CDKN2B-AS1: variants seen among roughly 807,000 people sequenced by gnomAD.
CDKN2B-AS1 encodes the protein CDKN2B and CDKN2A antisense cis and trans regulatory RNA 1.
In CDKN2B-AS1 at chr9:21,999,167, T is replaced by C. The variant is rs375015384; in HGVS notation, n.29+4006T>C. ...CTCTTACTATTACAACTTGGTGTAATTGTTTTGAAAGGCAGCATTACAATA... is the reference window on the plus strand; with the variant it reads ...CTCTTACTATTACAACTTGGTGTAACTGTTTTGAAAGGCAGCATTACAATA... On this transcript the variant is annotated intron_variant and non_coding_transcript_variant, in intron 1 of 4. Coordinates refer to ENST00000650946, the Ensembl canonical transcript of CDKN2B-AS1. This position sits in a 1 kb window ranked among gnomAD's most constrained non-coding sequence, Gnocchi z 4.7. Among the ~76,000 whole-genome samples, 5 of 152,202 alleles carry C rather than the reference T, an allele frequency of 3.3e-5. No individual in the cohort carries two copies. In the East Asian group the frequency reaches 5.8e-4, roughly 18 times the overall value.
chr9:22,113,448 T>G (rs1387835604), intron 4 of CDKN2B-AS1, among the ~76,000 whole-genome samples: 1 of 152,216 alleles, frequency 6.6e-6, no homozygotes, highest in Non-Finnish European at 1.5e-5. Flanking sequence ...TGGATAATCT[T>G]TTACTTAAAG....
chr9:22,111,325 C>T lies in CDKN2B-AS1; in HGVS notation n.439-15778C>T, dbSNP rs116451125. Among the ~76,000 whole-genome samples the T allele has an allele frequency of 6.4e-3, 978 of 152,226 alleles. 14 individuals carry two copies. The highest frequency in any genetic ancestry group is 0.022 in the African/African-American group (918 of 41,536). On this transcript the variant is annotated intron_variant and non_coding_transcript_variant, in intron 4 of 4. Transcript: ENST00000650946. ...TTACCATAGTTTTCATCCTTAACCA[C>T]AATACTCTATGAATCCTTATTTTAA...
chr9:22,046,405 C>G (rs1369131963), intron 1 of CDKN2B-AS1: 1 of 152,094 alleles, frequency 6.6e-6, no homozygotes, highest in Non-Finnish European at 1.5e-5. Flanking sequence ...AGCTCATGTA[C>G]TTAACCACTG....
intron 1 of CDKN2B-AS1, among the ~76,000 whole-genome samples, chr9:22,020,326 T>C (rs1307943063): frequency 1.3e-5 from 2 of 152,220 alleles, no homozygotes; most frequent in Non-Finnish European, 2.9e-5. Context: ...TGAATACTAT[T>C]GCAATAAACA....
At chr9:22,121,161 G>T (rs1190094589) in intron 4 of CDKN2B-AS1, 1 of 151,864 alleles carries the variant, frequency 6.6e-6, no homozygotes, top group African/African-American at 2.4e-5. Flanking sequence ...ATGTTTTAAA[G>T]ATCAAAACAA....
intron 1 of CDKN2B-AS1, among the ~76,000 whole-genome samples, chr9:22,008,440 G>T (rs3217976): frequency 7.2e-5 from 11 of 152,148 alleles, no homozygotes; most frequent in Admixed American, 6.5e-4. Flanking sequence ...AATCTAGAAT[G>T]CGTAACTTAT....
At position 21,996,268 on chromosome 9, in the gene CDKN2B-AS1, A is replaced by G. The variant is rs1202718654; in HGVS notation, n.29+1107A>G. Reference sequence around the variant, plus strand: ...AACGGGGCCCTTTGGAAAAAGTGAGATTTAGCGATCACTCTTACGTAGCCA... The same window carrying G: ...AACGGGGCCCTTTGGAAAAAGTGAGGTTTAGCGATCACTCTTACGTAGCCA... On this transcript the variant is annotated intron_variant and non_coding_transcript_variant, in intron 1 of 4. Coordinates refer to ENST00000650946, the Ensembl canonical transcript of CDKN2B-AS1. The surrounding 1 kb of genome is among the most constrained non-coding windows in gnomAD (Gnocchi z 5.4). 6.6e-6 allele frequency among the ~76,000 whole-genome samples: 1 copy of G among 152,086 alleles called. No homozygotes were observed.
At chr9:22,096,038 A>C (rs1825264710) in intron 4 of CDKN2B-AS1, among the ~76,000 whole-genome samples, 1 of 152,092 alleles carries the variant, frequency 6.6e-6, no homozygotes. Context: ...CCGTGGGTCA[A>C]ATCTAAGCTG....
At chr9:22,029,280 A>AGAGAGAAAATGTGCTTTGAGG (rs1822367851) in intron 1 of CDKN2B-AS1, among the ~76,000 whole-genome samples, 1 of 152,194 alleles carries the variant, frequency 6.6e-6, no homozygotes, top group Non-Finnish European at 1.5e-5. Context: ...GTGCTTTGAG[A>AGAGAGAAAATGTGCTTTGAGG]GAGAGAAAGC....
intron 4 of CDKN2B-AS1, among the ~76,000 whole-genome samples, chr9:22,085,245 T>C (rs879463735): frequency 6.6e-6 from 1 of 152,114 alleles, no homozygotes; most frequent in Non-Finnish European, 1.5e-5. Context: ...GCCCACAGAT[T>C]AATTTGTATG....
chr9:22,103,129 AGATGTG>A (rs1476784164), intron 4 of CDKN2B-AS1, among the ~76,000 whole-genome samples: 1 of 104,980 alleles, frequency 9.5e-6, no homozygotes, highest in Admixed American at 1.1e-4. Flanking sequence ...ATTCTAGAAC[AGATGTG>A]TGTGTGTGTG....
In CDKN2B-AS1 at chr9:21,999,732, T is replaced by TG. The variant is rs1820841683; in HGVS notation, n.29+4571_29+4572insG. 6.6e-6 allele frequency among the ~76,000 whole-genome samples: 1 copy of TG among 152,054 alleles called. No individual in the cohort carries two copies. Among genetic ancestry groups the TG allele is most frequent in the Non-Finnish European group, 1.5e-5 (1 of 67,974 alleles). On this transcript the variant is annotated intron_variant and non_coding_transcript_variant, in intron 1 of 4. Coordinates refer to ENST00000650946, the Ensembl canonical transcript of CDKN2B-AS1. This position sits in a 1 kb window ranked among gnomAD's most constrained non-coding sequence, Gnocchi z 4.7. The stretch of plus-strand genomic sequence containing the variant: ...TTGACATGCTTGTGAGGAGACTTTT[T>TG]TTGTTGTTGTTGTTGTTAGGGCTCA...
At chr9:22,080,867 A>G (rs1357125692) in intron 4 of CDKN2B-AS1, among the ~76,000 whole-genome samples, 1 of 152,262 alleles carries the variant, frequency 6.6e-6, no homozygotes, top group Admixed American at 6.5e-5. Context: ...AAACTATTCC[A>G]AAAGTACTAT....
intron 4 of CDKN2B-AS1, chr9:22,056,522 G>C (rs1823584424): frequency 6.6e-6 from 1 of 152,262 alleles, no homozygotes; most frequent in Non-Finnish European, 1.5e-5. Flanking sequence ...ATAGTGAACA[G>C]TGAGCCGCAT....
intron 1 of CDKN2B-AS1, among the ~76,000 whole-genome samples, chr9:22,012,756 A>C (rs189188093): frequency 1.2e-4 from 18 of 152,124 alleles, no homozygotes; most frequent in Admixed American, 3.9e-4. Flanking sequence ...AAGGAAATTC[A>C]TAATCACTTT....
At chr9:22,043,678 C>T (rs564414387) in intron 1 of CDKN2B-AS1, among the ~76,000 whole-genome samples, 1 of 152,102 alleles carries the variant, frequency 6.6e-6, no homozygotes, top group South Asian at 2.1e-4. Flanking sequence ...ATGCTATTCA[C>T]ATACCACCTA....
intron 4 of CDKN2B-AS1, among the ~76,000 whole-genome samples, chr9:22,063,505 C>T (rs1001002112): frequency 2.6e-5 from 4 of 152,140 alleles, no homozygotes; most frequent in Admixed American, 6.5e-5. Context: ...GACTTAACAT[C>T]AGAGACCATA....
In CDKN2B-AS1 at chr9:21,995,868, C is replaced by G. The variant is rs1820648129; in HGVS notation, n.29+707C>G. On this transcript the variant is annotated intron_variant and non_coding_transcript_variant, in intron 1 of 4. Transcript: ENST00000650946. The surrounding 1 kb of genome is among the most constrained non-coding windows in gnomAD (Gnocchi z 5.7). ...ACCCGGTGCCCCGACCCGGAGCCTGCGGTCTGCCTGGATCCGTCCTAAACC... is the reference window on the plus strand; with the variant it reads ...ACCCGGTGCCCCGACCCGGAGCCTGGGGTCTGCCTGGATCCGTCCTAAACC... 1 of 152,288 alleles carries G rather than the reference C, an allele frequency of 6.6e-6. No individual in the cohort carries two copies. Among genetic ancestry groups the G allele is most frequent in the South Asian group, 2.1e-4 (1 of 4,830 alleles). 9.4% of individuals were successfully genotyped at this position (152,288 alleles called of 1,614,324 possible). A position where few individuals can be genotyped will look rare whatever the true frequency, so the allele number is the denominator to read the frequency against.
At chr9:22,122,301 C>T (rs1012054255) in intron 4 of CDKN2B-AS1, among the ~76,000 whole-genome samples, 2 of 152,020 alleles carry the variant, frequency 1.3e-5, no homozygotes, top group African/African-American at 4.8e-5. Flanking sequence ...ATATTAATCT[C>T]TTGTCAGATG....
Sources: gnomAD v4.1 joint callset for allele counts (sites outside exome capture counted in the v4.1 genomes callset) on GRCh38, gnomAD v4.1.1 for gene constraint, Gnocchi (gnomAD v3.1) non-coding constraint, MANE v1.5 for transcripts, NCBI Gene and HGNC (gene_info 2026-07-23, HGNC 2026-07-21) for gene names.